Variants in COLGALT2 observed in about 807,000 individuals in gnomAD.
COLGALT2 encodes the protein procollagen galactosyltransferase 2.
COLGALT2 carries 49 observed loss-of-function variants against 73.4 expected under a neutral mutation model. That is an observed-to-expected ratio of 0.67 (90% CI 0.53 to 0.85). The LOEUF is 0.85. Among genes scored for constraint, COLGALT2 ranks in the 40% least tolerant of loss-of-function variants. The probability of loss-of-function intolerance (pLI) is 0.00; values close to 1 mark genes in which losing one functional copy is unlikely to be tolerated. For synonymous variants in COLGALT2, 295 were observed against 307.6 expected, an observed-to-expected ratio of 0.96 and a Z score of 0.43; for missense variants, 722 against 790.2, an observed-to-expected ratio of 0.91 and a Z score of 1.03.
chr1:184,021,558 C>T (rs186038080), intron 1 of COLGALT2, among the ~76,000 whole-genome samples: 59 of 152,262 alleles, frequency 3.9e-4, no homozygotes, highest in Non-Finnish European at 7.1e-4. Context: ...AAAAGGCCGT[C>T]GCCAGATGCC....
rs773184221 is a variant in COLGALT2 at position 184,037,185 on chromosome 1, G to A, written c.173C>T (p.Ala58Val). The A allele has an allele frequency of 9.3e-6, 15 of 1,604,614 alleles. No individual in the cohort carries two copies. The change falls in exon 1 of 12, where the codon GCG (alanine) becomes GTG (valine). Residue 58 changes from alanine (A) to valine (V), a missense_variant. By Grantham distance (64) the Ala-to-Val change is moderately conservative (BLOSUM62 0). Coordinates refer to ENST00000361927, the MANE Select transcript of COLGALT2 (RefSeq NM_015101.4). ...SPLQSPTVLV[A>V]VLARNAAHTL... ...GTGCGCCGCGTTGCGGGCGAGGACC[G>A]CCACGAGCACCGTGGGGCTCTGCAG...
intron 6 of COLGALT2, among the ~76,000 whole-genome samples, chr1:183,962,979 C>T (rs920414430): frequency 2.0e-5 from 3 of 151,016 alleles, no homozygotes; most frequent in Admixed American, 6.6e-5. Flanking sequence ...CCTCCACTGC[C>T]CACGTTCACA....
chr1:184,027,935 A>C (rs1278589941), intron 1 of COLGALT2, among the ~76,000 whole-genome samples: 1 of 152,214 alleles, frequency 6.6e-6, no homozygotes. Context: ...GACTGTCTGA[A>C]TACTCTCCCG....
intron 6 of COLGALT2, among the ~76,000 whole-genome samples, chr1:183,962,356 A>G (rs1233633507): frequency 4.0e-5 from 6 of 151,476 alleles, no homozygotes; most frequent in Admixed American, 2.6e-4. Flanking sequence ...GACAGGTTTC[A>G]CCATGTTGGC....
At position 184,028,927 on chromosome 1, in the gene COLGALT2, CA is replaced by C. The variant is rs1471875804; in HGVS notation, c.263+8167del. On this transcript the variant is annotated intron_variant, in intron 1 of 11. Coordinates refer to ENST00000361927, the MANE Select transcript of COLGALT2 (RefSeq NM_015101.4). ...ACAGGCCTTAGCTTGCTGAATTTGA[CA>C]AACAACTAAAATAATAATTGTTGCT... Among the ~76,000 whole-genome samples the C allele has an allele frequency of 2.6e-5, 4 of 152,170 alleles. No individual in the cohort carries two copies. The East Asian group carries it at 5.8e-4, about 22-fold the overall frequency.
At position 183,983,983 on chromosome 1, in the gene COLGALT2, G is replaced by A. The variant is rs565804428; in HGVS notation, c.264-5463C>T. The stretch of plus-strand genomic sequence containing the variant: ...GATTGTGAAAACACAAATATGGGCT[G>A]GCTGGGTGACCATGTTTCCGGGAGG... On this transcript the variant is annotated intron_variant, in intron 1 of 11. Coordinates refer to ENST00000361927, the MANE Select transcript of COLGALT2 (RefSeq NM_015101.4). Among the ~76,000 whole-genome samples the A allele has an allele frequency of 2.0e-5, 3 of 152,356 alleles. No individual in the cohort carries two copies. The South Asian group carries it at 6.2e-4, about 32-fold the overall frequency.
chr1:184,037,036 G>A (rs1260796712), intron 1 of COLGALT2, 59 bp downstream of exon 1: 18 of 1,325,118 alleles, frequency 1.4e-5, no homozygotes, highest in South Asian at 1.9e-5. Flanking sequence ...GGCGCTGTCC[G>A]CGCTGGGCAG....
chr1:183,957,646 C>T (rs1270058854), intron 6 of COLGALT2, among the ~76,000 whole-genome samples: 1 of 152,076 alleles, frequency 6.6e-6, no homozygotes, highest in African/African-American at 2.4e-5. Flanking sequence ...TCACTGTTGT[C>T]AAAATAATCT....
At position 184,010,504 on chromosome 1, in the gene COLGALT2, C is replaced by A. The variant is rs561168317; in HGVS notation, c.263+26591G>T. Among the ~76,000 whole-genome samples, 180 of 152,290 alleles carry A rather than the reference C, an allele frequency of 1.2e-3. 2 individuals are homozygous for A. In the South Asian group the frequency reaches 0.017, roughly 15 times the overall value. On this transcript the variant is annotated intron_variant, in intron 1 of 11. Coordinates refer to ENST00000361927, the MANE Select transcript of COLGALT2 (RefSeq NM_015101.4). ...AGAGGGGCAAGGAGCTAACTGAACT[C>A]CAAAGACATCATGGTGATTTAGAGG...
chr1:184,000,984 C>A (rs1364315340), intron 1 of COLGALT2, among the ~76,000 whole-genome samples: 2 of 152,134 alleles, frequency 1.3e-5, no homozygotes, highest in African/African-American at 4.8e-5. Context: ...CGCCCGCCAC[C>A]ACGCCTGGCT....
In COLGALT2 at chr1:183,937,467, A is replaced by C; in HGVS notation, c.*1294T>G. 1 of 985,710 alleles carries C rather than the reference A, an allele frequency of 1.0e-6. No homozygotes were observed. The highest frequency in any genetic ancestry group is 1.2e-6 in the Non-Finnish European group (1 of 830,126). The allele number at this position is 985,710 out of a possible 1,614,324, so 61.1% of individuals were successfully genotyped here. On this transcript the variant is annotated 3_prime_UTR_variant, in exon 12 of 12. Transcript: ENST00000361927. ...AAGGACTCTTAGGGGATATCTTTTGAGAAAGGGTGTCCGCCTGGGATTCTA... is the reference window on the plus strand; with the variant it reads ...AAGGACTCTTAGGGGATATCTTTTGCGAAAGGGTGTCCGCCTGGGATTCTA...
Position 183,974,081 on chromosome 1 carries a change from C to A in COLGALT2, c.493-331G>T, listed in dbSNP as rs2182627. ...AATGGCTCCCAAGCCATTAAAGGTTCATTCAAAAACACTTATTGGCTGCCC... is the reference window on the plus strand; with the variant it reads ...AATGGCTCCCAAGCCATTAAAGGTTAATTCAAAAACACTTATTGGCTGCCC... On this transcript the variant is annotated intron_variant, in intron 3 of 11. Transcript: ENST00000361927. Among the ~76,000 whole-genome samples the A allele has an allele frequency of 3.4e-3, 515 of 152,330 alleles. 11 individuals are homozygous for A. Among genetic ancestry groups the A allele is most frequent in the Admixed American group, 0.026 (399 of 15,304 alleles).
intron 3 of COLGALT2, among the ~76,000 whole-genome samples, chr1:183,974,625 T>C (rs77027686): frequency 0.013 from 1,925 of 152,252 alleles, 41 homozygotes; most frequent in African/African-American, 0.043. Context: ...GGACATAAAT[T>C]CTCCAAAGAG....
intron 10 of COLGALT2, among the ~76,000 whole-genome samples, chr1:183,942,465 TACC>T (rs1670141882): frequency 6.6e-6 from 1 of 152,266 alleles, no homozygotes. Context: ...AATTTATTTT[TACC>T]TTTTTAATGT....
chr1:183,963,682 C>T (rs1287421740), intron 6 of COLGALT2, among the ~76,000 whole-genome samples: 1 of 152,206 alleles, frequency 6.6e-6, no homozygotes, highest in Non-Finnish European at 1.5e-5. Context: ...GTACCCAGCG[C>T]TCTTCCAGGA....
chr1:183,974,360 G>A (rs1168012889), intron 3 of COLGALT2, among the ~76,000 whole-genome samples: 1 of 152,080 alleles, frequency 6.6e-6, no homozygotes, highest in Non-Finnish European at 1.5e-5. Flanking sequence ...CACTGAAAAA[G>A]GGATAAACTG....
At chr1:183,991,519 T>C (rs1671627993) in intron 1 of COLGALT2, among the ~76,000 whole-genome samples, 2 of 152,110 alleles carry the variant, frequency 1.3e-5, no homozygotes, top group Non-Finnish European at 2.9e-5. Flanking sequence ...TAAAAAAAAA[T>C]GTCAGCCCAG....
Position 183,951,058 on chromosome 1 carries a change from G to T in COLGALT2, c.1085C>A (p.Thr362Lys). The T allele has an allele frequency of 6.2e-7, 1 of 1,613,980 alleles. No individual in the cohort carries two copies. Among genetic ancestry groups the T allele is most frequent in the Non-Finnish European group, 8.5e-7 (1 of 1,179,892 alleles). ...GACCTCAATCTCCTGTTCATACAGT[G>T]TGCGCAGCATCCGGTCCCGCCTGTC... ...RKDRRDRMLR[T>K]LYEQEIEVKI... is the part of the protein sequence containing the mutation. The change falls in exon 8 of 12, where the codon ACA becomes AAA. Residue 362 changes from threonine (T) to lysine (K), a missense_variant. Transcript: ENST00000361927.
chr1:183,989,449 C>T (rs57606159), intron 1 of COLGALT2, among the ~76,000 whole-genome samples: 5,834 of 152,192 alleles, frequency 0.038, 381 homozygotes, highest in African/African-American at 0.13. Context: ...GGGCTTGCTA[C>T]GTGCAGCAAT....
Sources: allele counts gnomAD v4.1 joint callset (sites outside exome capture counted in the v4.1 genomes callset), GRCh38; gene constraint gnomAD v4.1.1; transcripts MANE v1.5; gene names NCBI Gene and HGNC (gene_info 2026-07-23, HGNC 2026-07-21).